The following TMEFF2 variants were observed in gnomAD, a reference collection of about 807,000 sequenced individuals.
The protein encoded by TMEFF2 is tomoregulin-2.
A neutral mutation model predicts 53.8 loss-of-function variants in TMEFF2; 28 were observed. That is an observed-to-expected ratio of 0.52 (90% CI 0.39 to 0.71). TMEFF2 has a LOEUF of 0.71. Ranked by LOEUF, TMEFF2 falls within the 30% of genes least tolerant of loss-of-function variation. The probability of loss-of-function intolerance (pLI) is 0.00; values close to 1 mark genes in which losing one functional copy is unlikely to be tolerated. For synonymous variants in TMEFF2, 162 were observed against 166.3 expected (o/e 0.97, Z 0.20); for missense variants, 353 against 455.2 (o/e 0.78, Z 2.04).
chr2:192,009,630 T>C (rs1456424198), intron 5 of TMEFF2, among the ~76,000 whole-genome samples: 2 of 152,082 alleles, frequency 1.3e-5, no homozygotes, highest in African/African-American at 4.8e-5. Context: ...TAATATTTAA[T>C]ACATATTATA....
At chr2:191,999,973 CATG>C (rs1287568265) in intron 5 of TMEFF2, among the ~76,000 whole-genome samples, 8 of 151,806 alleles carry the variant, frequency 5.3e-5, no homozygotes, top group African/African-American at 1.5e-4. Flanking sequence ...GATTGCCACT[CATG>C]ATGTTAATAT....
At chr2:192,157,474 T>C (rs1330163294) in intron 4 of TMEFF2, among the ~76,000 whole-genome samples, 1 of 152,066 alleles carries the variant, frequency 6.6e-6, no homozygotes, top group African/African-American at 2.4e-5. Context: ...TGTGGTTTTC[T>C]TAATTATTGT....
intron 5 of TMEFF2, among the ~76,000 whole-genome samples, chr2:192,051,487 A>C (rs1179732124): frequency 2.0e-5 from 3 of 152,182 alleles, no homozygotes; most frequent in African/African-American, 4.8e-5. Flanking sequence ...TTTTAAATAC[A>C]ATCTTTTTGT....
rs773671304 is a variant in TMEFF2 at position 191,998,312 on chromosome 2, G to T, written c.695C>A (p.Thr232Asn). The change falls in exon 7 of 10, where the codon ACT becomes AAT. Residue 232 changes from threonine to asparagine, a missense_variant. By Grantham distance (65) the Thr-to-Asn change is moderately conservative. This residue lies in a region of TMEFF2 where 294 missense variants were observed against 397.3 expected (regional missense o/e 0.74). Transcript: ENST00000272771. Reference protein sequence around the residue: ...MSLGRCQDNTTTTTKSEDGHY... With the variant: ...MSLGRCQDNTNTTTKSEDGHY... Reference sequence around the variant, plus strand: ...CCCATCTTCAGACTTAGTAGTTGTAGTTGTGTTATCTGTGTTAAAAAATTA... The same window carrying T: ...CCCATCTTCAGACTTAGTAGTTGTATTTGTGTTATCTGTGTTAAAAAATTA... The T allele has an allele frequency of 1.3e-6, 2 of 1,597,370 alleles. No homozygotes were observed. The highest frequency in any genetic ancestry group is 2.3e-5 in the South Asian group (2 of 88,636).
chr2:191,976,965 A>C (rs769565357), intron 7 of TMEFF2, among the ~76,000 whole-genome samples: 12 of 152,228 alleles, frequency 7.9e-5, no homozygotes, highest in Non-Finnish European at 1.8e-4. Context: ...TAAGTACTCA[A>C]TAAACTATAG....
chr2:192,123,129 G>A (rs1379056320), intron 4 of TMEFF2, among the ~76,000 whole-genome samples: 1 of 152,136 alleles, frequency 6.6e-6, no homozygotes, highest in African/African-American at 2.4e-5. Flanking sequence ...TTCAACCTTT[G>A]GCAAGTTGTA....
chr2:191,954,166 C>T (rs1327013191), intron 8 of TMEFF2, among the ~76,000 whole-genome samples: 1 of 152,074 alleles, frequency 6.6e-6, no homozygotes, highest in East Asian at 1.9e-4. Context: ...GGATTACAGG[C>T]GTGAGCCACC....
At chr2:192,073,253 C>T (rs1319850586) in intron 4 of TMEFF2, among the ~76,000 whole-genome samples, 5 of 151,660 alleles carry the variant, frequency 3.3e-5, no homozygotes, top group Non-Finnish European at 7.4e-5. Context: ...TGGCAGAATC[C>T]CAGGGCAAGG....
chr2:192,194,503 G>A lies in TMEFF2; in HGVS notation c.22C>T (p.Arg8Trp), dbSNP rs376387678. Residue 8 changes from arginine (R) to tryptophan (W), a missense_variant, in exon 1 of 10, where the codon CGG becomes TGG. Around this residue, in one of 3 missense-constraint regions of TMEFF2, gnomAD observed 54 missense variants for 41.8 expected, o/e 1.29. Coordinates refer to ENST00000272771, the MANE Select transcript of TMEFF2 (RefSeq NM_016192.4). The surrounding 1 kb of genome is among the most constrained non-coding windows in gnomAD (Gnocchi z 4.2). MVLWESP[R>W]QCSSWTLCEG... ...CAAAGTGTCCAGCTGCTGCACTGCC[G>A]CGGGGACTCCCACAGCACCATGACT... The A allele has an allele frequency of 1.2e-6, 2 of 1,613,682 alleles. No homozygotes were observed. Among genetic ancestry groups the A allele is most frequent in the Non-Finnish European group, 1.7e-6 (2 of 1,180,014 alleles).
chr2:192,112,172 C>A (rs1559131436), intron 4 of TMEFF2, among the ~76,000 whole-genome samples: 1 of 152,156 alleles, frequency 6.6e-6, no homozygotes, highest in East Asian at 1.9e-4. Flanking sequence ...AATGGTAGAT[C>A]CACTGACAGC....
chr2:192,189,732 A>T (rs1336769581), intron 2 of TMEFF2, among the ~76,000 whole-genome samples: 1 of 152,086 alleles, frequency 6.6e-6, no homozygotes, highest in South Asian at 2.1e-4. Context: ...AGATGGACTC[A>T]AGAGACTCTT....
At chr2:192,095,404 T>C (rs1451241045) in intron 4 of TMEFF2, among the ~76,000 whole-genome samples, 2 of 152,114 alleles carry the variant, frequency 1.3e-5, no homozygotes, top group African/African-American at 2.4e-5. Context: ...GGTGGGAGGA[T>C]TGCTTGAAGC....
At chr2:192,104,906 CCTGT>C (rs1689110003) in intron 4 of TMEFF2, among the ~76,000 whole-genome samples, 1 of 151,796 alleles carries the variant, frequency 6.6e-6, no homozygotes, top group Non-Finnish European at 1.5e-5. Context: ...TTTCTTTTTA[CCTGT>C]CTTATTTCTT....
chr2:192,094,718 C>G (rs759140931), intron 4 of TMEFF2, among the ~76,000 whole-genome samples: 5 of 152,142 alleles, frequency 3.3e-5, no homozygotes, highest in Non-Finnish European at 5.9e-5. Context: ...GGTTGACACC[C>G]TTTAAATGAA....
intron 4 of TMEFF2, among the ~76,000 whole-genome samples, chr2:192,120,606 G>A (rs550520325): frequency 1.1e-4 from 17 of 152,188 alleles, no homozygotes; most frequent in Admixed American, 3.3e-4. Context: ...AATTGATAAC[G>A]CCAATAAAAC....
At chr2:191,986,647 C>T (rs1451199809) in intron 7 of TMEFF2, among the ~76,000 whole-genome samples, 1 of 150,100 alleles carries the variant, frequency 6.7e-6, no homozygotes, top group African/African-American at 2.5e-5. Flanking sequence ...ATCACAAGGT[C>T]AGGAGTTTGA....
intron 5 of TMEFF2, chr2:192,031,481 A>C (rs1190282487): frequency 6.6e-6 from 1 of 152,220 alleles, no homozygotes; most frequent in Admixed American, 6.5e-5. Context: ...TCAGAACTAG[A>C]TAAGTGCATT....
chr2:192,120,538 C>G (rs1160337106), intron 4 of TMEFF2, among the ~76,000 whole-genome samples: 4 of 152,166 alleles, frequency 2.6e-5, no homozygotes. Flanking sequence ...TTGTTCTTCC[C>G]CTCTCTGAAG....
In TMEFF2 at chr2:192,041,737, A is replaced by G. The variant is rs564027965; in HGVS notation, c.536+15942T>C. Among the ~76,000 whole-genome samples the G allele has an allele frequency of 4.6e-5, 7 of 152,338 alleles. No homozygotes were observed. In the East Asian group the frequency reaches 1.3e-3, roughly 29 times the overall value. On this transcript the variant is annotated intron_variant, in intron 5 of 9. Coordinates refer to ENST00000272771, the MANE Select transcript of TMEFF2 (RefSeq NM_016192.4). ...AATGTTCCTCAACTGATGAACAAAT[A>G]ACCCAAATATGGTATATTCATACAG...
Sources: gnomAD v4.1 joint callset for allele counts (sites outside exome capture counted in the v4.1 genomes callset) on GRCh38, gnomAD v4.1.1 for gene constraint, gnomAD v4.1.1 regional missense constraint, Gnocchi (gnomAD v3.1) non-coding constraint, MANE v1.5 for transcripts, NCBI Gene and HGNC (gene_info 2026-07-23, HGNC 2026-07-21) for gene names.